Variants in ERC1 observed in about 807,000 individuals in gnomAD.
The protein encoded by ERC1 is ELKS/RAB6-interacting/CAST family member 1.
ERC1 carries 56 observed loss-of-function variants against 132.0 expected under a neutral mutation model. That is an observed-to-expected ratio of 0.42 (90% CI 0.34 to 0.53). The LOEUF (loss-of-function observed/expected upper bound fraction) is 0.53, where lower values mean the gene tolerates loss of function less well. ERC1 is among the 20% of genes least tolerant of loss of function. The pLI is 0.03. For synonymous variants in ERC1, 478 were observed against 476.1 expected (o/e 1.00, Z -0.05); for missense variants, 1,202 against 1,349.9 (o/e 0.89, Z 1.72).
At chr12:1,444,947 TG>T in intron 18 of ERC1, 197 bp downstream of exon 18, 1 of 290,308 alleles carries the variant, frequency 3.4e-6, no homozygotes, top group Non-Finnish European at 6.3e-6. Context: ...ATTCAAGATT[TG>T]GGGGGTGGGG....
At chr12:1,020,582 C>G (rs187971689) in intron 1 of ERC1, 1 of 152,186 alleles carries the variant, frequency 6.6e-6, no homozygotes, top group African/African-American at 2.4e-5. Flanking sequence ...ACACTCATTT[C>G]AATTCTTGAC....
intron 17 of ERC1, among the ~76,000 whole-genome samples, chr12:1,429,684 A>G (rs1183374856): frequency 6.6e-6 from 1 of 152,190 alleles, no homozygotes; most frequent in Non-Finnish European, 1.5e-5. Context: ...ATGCAATAGA[A>G]AAACCCAGGT....
At chr12:1,483,668 C>CTTTTTTTTTTTTTTTTTTTTTT (rs35596394) in intron 18 of ERC1, among the ~76,000 whole-genome samples, 2 of 55,190 alleles carry the variant, frequency 3.6e-5, no homozygotes, top group African/African-American at 5.6e-5. Context: ...CCACTGAGAG[C>CTTTTTTTTTTTTTTTTTTTTTT]TTTTTTTTTT....
chr12:1,459,300 G>A (rs2093601317), intron 18 of ERC1, among the ~76,000 whole-genome samples: 1 of 152,104 alleles, frequency 6.6e-6, no homozygotes, highest in Non-Finnish European at 1.5e-5. Context: ...AGAAATCTCT[G>A]AACCTCATGG....
At chr12:1,341,882 T>G (rs908876386) in intron 15 of ERC1, among the ~76,000 whole-genome samples, 1 of 152,202 alleles carries the variant, frequency 6.6e-6, no homozygotes, top group Non-Finnish European at 1.5e-5. Context: ...GACAGTTTCT[T>G]GCTGAATCAC....
chr12:1,112,460 T>C (rs1945995810), intron 6 of ERC1, among the ~76,000 whole-genome samples, 162 bp downstream of exon 6: 1 of 152,226 alleles, frequency 6.6e-6, no homozygotes, highest in Non-Finnish European at 1.5e-5. Flanking sequence ...TGACTCCTGT[T>C]CACTAGTTTG....
At chr12:1,289,077 T>C (rs2079232544) in intron 14 of ERC1, among the ~76,000 whole-genome samples, 1 of 131,348 alleles carries the variant, frequency 7.6e-6, no homozygotes, top group African/African-American at 3.0e-5. Context: ...CCTTTCTATC[T>C]GGTATGTACA....
At chr12:1,464,014 T>C (rs545204995) in intron 18 of ERC1, among the ~76,000 whole-genome samples, 5 of 152,172 alleles carry the variant, frequency 3.3e-5, no homozygotes, top group Admixed American at 1.3e-4. Flanking sequence ...CTGCTTCTGA[T>C]AAAATCCCCT....
At chr12:1,463,670 G>A (rs1232664412) in intron 18 of ERC1, among the ~76,000 whole-genome samples, 4 of 141,416 alleles carry the variant, frequency 2.8e-5, no homozygotes, top group East Asian at 2.1e-4. Context: ...GCTGGAGAAC[G>A]GGAAGAGAGG....
chr12:1,137,858 C>CA (rs1263143017), intron 7 of ERC1, among the ~76,000 whole-genome samples: 3 of 144,308 alleles, frequency 2.1e-5, no homozygotes, highest in African/African-American at 7.7e-5. Flanking sequence ...CTCAAAAAAA[C>CA]AAAAAATATA....
chr12:1,319,265 A>G (rs1417694835), intron 15 of ERC1, among the ~76,000 whole-genome samples: 1 of 152,178 alleles, frequency 6.6e-6, no homozygotes, highest in Non-Finnish European at 1.5e-5. Context: ...ATAAAATTTG[A>G]TTTTAATTCA....
intron 18 of ERC1, among the ~76,000 whole-genome samples, chr12:1,479,783 A>C (rs1421175838): frequency 6.6e-6 from 1 of 152,030 alleles, no homozygotes; most frequent in Non-Finnish European, 1.5e-5. Flanking sequence ...GGCGTGTGGA[A>C]CCCTGCTCGC....
At chr12:1,458,477 T>G (rs531640016) in intron 18 of ERC1, among the ~76,000 whole-genome samples, 2 of 152,148 alleles carry the variant, frequency 1.3e-5, no homozygotes, top group South Asian at 4.2e-4. Flanking sequence ...TCTGTGTGTA[T>G]GTGTGTTTAT....
intron 12 of ERC1, among the ~76,000 whole-genome samples, chr12:1,197,678 A>G (rs934523804): frequency 2.0e-5 from 3 of 152,216 alleles, no homozygotes; most frequent in African/African-American, 7.2e-5. Context: ...CTCCATCAAT[A>G]CAGAAGCTAT....
chr12:1,379,481 G>A (rs997525347), intron 16 of ERC1, among the ~76,000 whole-genome samples: 4 of 152,100 alleles, frequency 2.6e-5, no homozygotes, highest in African/African-American at 9.7e-5. Flanking sequence ...TCCAGTTTCC[G>A]CCCACTACCC....
Position 1,350,346 on chromosome 12 carries a change from G to T in ERC1, c.2781-21487G>T, listed in dbSNP as rs1435214871. On this transcript the variant is annotated intron_variant, in intron 15 of 18. Coordinates refer to ENST00000360905, the MANE Select transcript of ERC1 (RefSeq NM_178040.4). The stretch of plus-strand genomic sequence containing the variant: ...TGTTCCAAGGCTGTCCAGGTGTCCT[G>T]ATTTAAAGCCTGCTTCTTAAGTCAG... Among the ~76,000 whole-genome samples the T allele has an allele frequency of 2.0e-5, 3 of 152,284 alleles. No individual in the cohort carries two copies. In the Middle Eastern group the frequency reaches 0.01, roughly 518 times the overall value.
chr12:1,275,894 A>G (rs954139870), intron 14 of ERC1, among the ~76,000 whole-genome samples: 2 of 152,214 alleles, frequency 1.3e-5, no homozygotes, highest in African/African-American at 4.8e-5. Flanking sequence ...AATACAAACT[A>G]CAATTCTTGT....
At chr12:1,226,417 T>C (rs1249114940) in intron 12 of ERC1, among the ~76,000 whole-genome samples, 1 of 152,200 alleles carries the variant, frequency 6.6e-6, no homozygotes, top group African/African-American at 2.4e-5. Context: ...TTACCACTTG[T>C]TGTGTGTGTT....
At chr12:1,163,990 CG>C (rs2154262033) in intron 8 of ERC1, among the ~76,000 whole-genome samples, 1 of 152,282 alleles carries the variant, frequency 6.6e-6, no homozygotes, top group Admixed American at 6.5e-5. Context: ...TGCTGGATTA[CG>C]GGCCTCAGCC....
Sources: allele counts gnomAD v4.1 joint callset (sites outside exome capture counted in the v4.1 genomes callset), GRCh38; gene constraint gnomAD v4.1.1; transcripts MANE v1.5; gene names NCBI Gene and HGNC (gene_info 2026-07-23, HGNC 2026-07-21).